PPP1R3A: variants seen among roughly 807,000 people sequenced by gnomAD.
PPP1R3A encodes RG1.
In PPP1R3A, 29 loss-of-function variants were observed where a neutral mutation model predicts 41.7. The observed-to-expected ratio is 0.70, with a 90% CI of 0.52 to 0.95. PPP1R3A has a LOEUF of 0.95. Ranked by LOEUF, PPP1R3A falls within the 40% of genes least tolerant of loss-of-function variation. The pLI is 0.00. For missense variants in PPP1R3A, 1,352 were observed against 1,292.4 expected (o/e 1.05, Z -0.71); for synonymous variants, 485 against 453.4 (o/e 1.07, Z -0.89).
At chr7:113,894,094 T>C (rs1796939043) in intron 1 of PPP1R3A, among the ~76,000 whole-genome samples, 1 of 151,982 alleles carries the variant, frequency 6.6e-6, no homozygotes, top group African/African-American at 2.4e-5. Context: ...TTGGGCACCA[T>C]GTGCAATTCT....
At chr7:113,884,772 C>T (rs1796753341) in intron 1 of PPP1R3A, among the ~76,000 whole-genome samples, 1 of 151,984 alleles carries the variant, frequency 6.6e-6, no homozygotes, top group African/African-American at 2.4e-5. Context: ...GGAGAAGATG[C>T]TTTCATTACA....
chr7:113,900,783 C>T (rs1377146674), intron 1 of PPP1R3A, among the ~76,000 whole-genome samples: 1 of 147,430 alleles, frequency 6.8e-6, no homozygotes, highest in Non-Finnish European at 1.5e-5. Context: ...ATAGTATATA[C>T]ATATATAATT....
chr7:113,887,955 G>T (rs1272791283), intron 1 of PPP1R3A, among the ~76,000 whole-genome samples: 1 of 152,102 alleles, frequency 6.6e-6, no homozygotes, highest in Non-Finnish European at 1.5e-5. Flanking sequence ...TTGAGCCTGG[G>T]AGGAGGAGGT....
chr7:113,882,174 A>C lies in PPP1R3A; in HGVS notation c.842-11T>G. 1 of 1,610,458 alleles carries C rather than the reference A, an allele frequency of 6.2e-7. No individual in the cohort carries two copies. The highest frequency in any genetic ancestry group is 8.5e-7 in the Non-Finnish European group (1 of 1,177,300). On this transcript the variant is annotated splice_polypyrimidine_tract_variant and intron_variant, in intron 2 of 3. Transcript: ENST00000284601. ...TTGGGATATAGGTATCTGAAAAGTT[A>C]ATATAATTGTGCCTATGTAAGATTG... is the stretch of plus-strand genomic sequence containing the variant.
intron 1 of PPP1R3A, among the ~76,000 whole-genome samples, chr7:113,906,734 T>C (rs1406788413): frequency 2.6e-5 from 4 of 151,828 alleles, no homozygotes; most frequent in Non-Finnish European, 5.9e-5. Context: ...TATTTGGCAT[T>C]AATAGTTTTT....
intron 1 of PPP1R3A, among the ~76,000 whole-genome samples, chr7:113,887,455 T>C (rs1269717214): frequency 1.3e-5 from 2 of 152,116 alleles, no homozygotes; most frequent in East Asian, 3.9e-4. Context: ...CTTATTTCAA[T>C]GAAGCTATAA....
At chr7:113,883,990 TA>T (rs1468013897) in intron 1 of PPP1R3A, among the ~76,000 whole-genome samples, 16 of 151,928 alleles carry the variant, frequency 1.1e-4, no homozygotes, top group African/African-American at 3.9e-4. Context: ...TATAGAAATA[TA>T]GGAGAAAAAC....
intron 1 of PPP1R3A, among the ~76,000 whole-genome samples, chr7:113,891,953 C>T (rs1796898685): frequency 6.6e-6 from 1 of 151,904 alleles, no homozygotes; most frequent in African/African-American, 2.4e-5. Flanking sequence ...TAACTCTGCT[C>T]TAAGAGGAAT....
intron 1 of PPP1R3A, among the ~76,000 whole-genome samples, chr7:113,883,515 C>T (rs1295773850): frequency 2.0e-5 from 3 of 151,394 alleles, no homozygotes; most frequent in Non-Finnish European, 3.0e-5. Flanking sequence ...TTTAGTGGGC[C>T]CACATATAGA....
intron 1 of PPP1R3A, among the ~76,000 whole-genome samples, chr7:113,907,520 C>G (rs954193731): frequency 1.4e-5 from 2 of 142,832 alleles, no homozygotes; most frequent in Non-Finnish European, 3.1e-5. Context: ...AGAATTTAAC[C>G]AAAAAAAAAA....
intron 1 of PPP1R3A, among the ~76,000 whole-genome samples, chr7:113,902,064 T>TTC (rs1797070572): frequency 6.6e-6 from 1 of 151,878 alleles, no homozygotes; most frequent in Admixed American, 6.6e-5. Context: ...TTTTCTTCCT[T>TTC]ATCTTTTTCT....
At chr7:113,890,726 A>T (rs1796866397) in intron 1 of PPP1R3A, among the ~76,000 whole-genome samples, 1 of 152,106 alleles carries the variant, frequency 6.6e-6, no homozygotes, top group South Asian at 2.1e-4. Context: ...GTAGAAATTG[A>T]AGGACATTTT....
chr7:113,901,552 T>C (rs12673425), intron 1 of PPP1R3A, among the ~76,000 whole-genome samples: 34,773 of 151,732 alleles, frequency 0.23, 5,697 homozygotes, highest in East Asian at 0.67. Context: ...TGGGTTAAAG[T>C]AGGAATGTCA....
chr7:113,912,634 C>A (rs1165126929), intron 1 of PPP1R3A, among the ~76,000 whole-genome samples: 2 of 152,082 alleles, frequency 1.3e-5, no homozygotes, highest in Non-Finnish European at 2.9e-5. Flanking sequence ...TCACAGTTAG[C>A]AGAAGTGGAG....
intron 1 of PPP1R3A, among the ~76,000 whole-genome samples, chr7:113,916,090 A>C (rs1459631574): frequency 6.6e-6 from 1 of 152,086 alleles, no homozygotes; most frequent in Non-Finnish European, 1.5e-5. Context: ...TTGGACTGAA[A>C]TTCAGCACAA....
At position 113,918,309 on chromosome 7, in the gene PPP1R3A, T is replaced by A; in HGVS notation, c.688A>T (p.Ile230Phe). Residue 230 changes from isoleucine to phenylalanine, a missense_variant, in exon 1 of 4, where the codon ATT becomes TTT. Ile to Phe is a conservative substitution (Grantham distance 21). Transcript: ENST00000284601. ...SNNNGTNYTF[I>F]CQKKEQEPEP... ...GGCTCTTGTTCTTTCTTTTGACAAA[T>A]GAATGTATAATTTGTGCCATTATTA... is the stretch of plus-strand genomic sequence containing the variant. 6.2e-7 allele frequency: 1 copy of A among 1,612,848 alleles called. No homozygotes were observed. Among genetic ancestry groups the A allele is most frequent in the Non-Finnish European group, 8.5e-7 (1 of 1,179,276 alleles).
chr7:113,884,732 CTA>C (rs1796752933), intron 1 of PPP1R3A, among the ~76,000 whole-genome samples: 1 of 151,962 alleles, frequency 6.6e-6, no homozygotes, highest in Non-Finnish European at 1.5e-5. Context: ...TATTAAGAGA[CTA>C]TGCAGTAAAA....
chr7:113,898,088 C>T (rs1797005127), intron 1 of PPP1R3A, among the ~76,000 whole-genome samples: 1 of 151,672 alleles, frequency 6.6e-6, no homozygotes, highest in African/African-American at 2.4e-5. Context: ...GGATATGATA[C>T]CAATTCAGAG....
At chr7:113,901,231 T>C (rs1797056413) in intron 1 of PPP1R3A, among the ~76,000 whole-genome samples, 1 of 151,666 alleles carries the variant, frequency 6.6e-6, no homozygotes, top group African/African-American at 2.4e-5. Flanking sequence ...AAAGAGGGTA[T>C]AGGAGCCCCA....
Sources: allele counts gnomAD v4.1 joint callset (sites outside exome capture counted in the v4.1 genomes callset), GRCh38; gene constraint gnomAD v4.1.1; transcripts MANE v1.5; gene names NCBI Gene and HGNC (gene_info 2026-07-23, HGNC 2026-07-21).